The following TAF4 variants were observed in gnomAD, a reference collection of about 807,000 sequenced individuals.
TAF4 encodes transcription initiation factor TFIID subunit 4.
In TAF4, 9 loss-of-function variants were observed where a neutral mutation model predicts 90.3. The ratio of observed to expected loss-of-function variants is 0.10; its 90% confidence interval spans 0.06 to 0.17. The LOEUF (loss-of-function observed/expected upper bound fraction) is 0.17. Among genes scored for constraint, TAF4 ranks in the 10% least tolerant of loss-of-function variants. The pLI is 1.00. For synonymous variants in TAF4, 818 were observed against 638.9 expected, an observed-to-expected ratio of 1.28 and a Z score of -4.23; for missense variants, 1,351 against 1,370.7, an observed-to-expected ratio of 0.99 and a Z score of 0.23.
chr20:62,005,500 T>A (rs1362023305), intron 7 of TAF4: 1 of 152,280 alleles, frequency 6.6e-6, no homozygotes, highest in Admixed American at 6.5e-5. Flanking sequence ...AGAACCCACC[T>A]TTTTGGGTAA....
chr20:62,004,168 G>T (rs2055727697), intron 7 of TAF4, among the ~76,000 whole-genome samples: 2 of 152,178 alleles, frequency 1.3e-5, no homozygotes. Context: ...ATTGGTCAGG[G>T]CCTGGAGGGG....
At chr20:62,025,210 A>T (rs537310213) in intron 1 of TAF4, among the ~76,000 whole-genome samples, 39 of 152,328 alleles carry the variant, frequency 2.6e-4, no homozygotes, top group Admixed American at 8.5e-4. Context: ...GTGGCCTTAC[A>T]AAGGCTTGTA....
intron 1 of TAF4, among the ~76,000 whole-genome samples, chr20:62,045,735 C>T (rs576998137): frequency 9.8e-5 from 15 of 152,328 alleles, no homozygotes; most frequent in Admixed American, 7.8e-4. Context: ...GAGGAGAGCG[C>T]AACAGATCTG....
chr20:62,062,094 T>C (rs929608834), intron 1 of TAF4, among the ~76,000 whole-genome samples: 1 of 152,212 alleles, frequency 6.6e-6, no homozygotes, highest in Non-Finnish European at 1.5e-5. Flanking sequence ...ACATGCAGCT[T>C]TGAGAACCCT....
At chr20:62,054,039 G>A (rs1380901993) in intron 1 of TAF4, among the ~76,000 whole-genome samples, 1 of 152,214 alleles carries the variant, frequency 6.6e-6, no homozygotes, top group Non-Finnish European at 1.5e-5. Context: ...GGATCGTCGG[G>A]TGAGGCCACG....
intron 14 of TAF4, among the ~76,000 whole-genome samples, chr20:61,993,701 T>TA (rs1418164825): frequency 1.3e-5 from 2 of 152,020 alleles, no homozygotes; most frequent in Admixed American, 1.3e-4. Context: ...GTGGGGCACA[T>TA]AAAAGGGTGG....
intron 2 of TAF4, among the ~76,000 whole-genome samples, chr20:62,013,242 A>T (rs1276754098): frequency 6.6e-6 from 1 of 152,266 alleles, no homozygotes; most frequent in Non-Finnish European, 1.5e-5. Flanking sequence ...GACCTCGTTA[A>T]CAATCACTAA....
intron 1 of TAF4, among the ~76,000 whole-genome samples, chr20:62,028,861 C>A (rs1053166566): frequency 7.9e-5 from 12 of 152,194 alleles, no homozygotes; most frequent in African/African-American, 2.9e-4. Flanking sequence ...TAAATACCAA[C>A]CCCTGTGTCA....
chr20:61,998,214 A>G lies in TAF4; in HGVS notation c.2914-22T>C, dbSNP rs1273551439. The stretch of plus-strand genomic sequence containing the variant: ...GAGACTATTTTTGAAAGAGGCAGAA[A>G]AGAAAAGTAAGTTATGAACTAAATG... On this transcript the variant is annotated intron_variant, in intron 12 of 14. Coordinates refer to ENST00000252996, the MANE Select transcript of TAF4 (RefSeq NM_003185.4). 3.7e-6 allele frequency: 6 copies of G among 1,609,004 alleles called. No individual in the cohort carries two copies. The Admixed American group carries it at 1.0e-4, about 27-fold the overall frequency.
At chr20:62,049,945 A>ACC (rs2056016978) in intron 1 of TAF4, among the ~76,000 whole-genome samples, 2 of 151,720 alleles carry the variant, frequency 1.3e-5, no homozygotes, top group African/African-American at 4.8e-5. Context: ...TGCTGCAGAA[A>ACC]CCCAACCTGT....
chr20:62,006,578 G>C lies in TAF4; in HGVS notation c.2155C>G (p.Pro719Ala), dbSNP rs781253331. The C allele has an allele frequency of 6.3e-7, 1 of 1,595,990 alleles. No individual in the cohort carries two copies. The highest frequency in any genetic ancestry group is 1.3e-5 in the African/African-American group (1 of 74,114). Residue 719 changes from proline (P) to alanine (A), a missense_variant, in exon 7 of 15, where the codon CCC becomes GCC. This residue lies in a region of TAF4 where 202 missense variants were observed against 229.7 expected (regional missense o/e 0.88). Coordinates refer to ENST00000252996, the MANE Select transcript of TAF4 (RefSeq NM_003185.4). The surrounding 1 kb of genome is among the most constrained non-coding windows in gnomAD (Gnocchi z 7.0). ...TAATVTSALQ[P>A]PVLSLTQPTQ... ...GGCTGCGTGAGGCTGAGCACAGGGG[G>C]CTGGAGGGCACTGGTCACGGTGGCC...
chr20:62,050,511 A>C (rs1424612601), intron 1 of TAF4, among the ~76,000 whole-genome samples: 1 of 151,980 alleles, frequency 6.6e-6, no homozygotes, highest in Non-Finnish European at 1.5e-5. Flanking sequence ...CTGGCAGCAC[A>C]GTCTCCTCTC....
At chr20:62,008,766 C>T in intron 5 of TAF4, 1 of 283,090 alleles carries the variant, frequency 3.5e-6, no homozygotes, top group South Asian at 9.4e-5. Flanking sequence ...GTTGGGGCAG[C>T]CAGAGGAGAA....
intron 1 of TAF4, among the ~76,000 whole-genome samples, chr20:62,051,091 C>T (rs1003088698): frequency 7.2e-5 from 11 of 152,206 alleles, no homozygotes; most frequent in South Asian, 4.1e-4. Context: ...ATGGAAATCA[C>T]GTCCAAAATG....
intron 2 of TAF4, among the ~76,000 whole-genome samples, 174 bp downstream of exon 2, chr20:62,014,373 A>T (rs2055800952): frequency 6.6e-6 from 1 of 151,888 alleles, no homozygotes; most frequent in African/African-American, 2.4e-5. Flanking sequence ...AGGACAGGAG[A>T]GCAGCGCCGT....
intron 1 of TAF4, among the ~76,000 whole-genome samples, chr20:62,055,241 A>C (rs6089628): frequency 0.12 from 5,963 of 50,828 alleles, 162 homozygotes; most frequent in East Asian, 0.32. Flanking sequence ...GCAAGACAAT[A>C]GATTCACGCT....
chr20:62,033,451 T>C (rs2055915254), intron 1 of TAF4, among the ~76,000 whole-genome samples: 1 of 152,026 alleles, frequency 6.6e-6, no homozygotes, highest in Non-Finnish European at 1.5e-5. Context: ...AAATAAGAAG[T>C]GGGAGCTGGG....
Position 62,010,852 on chromosome 20 carries a change from G to A in TAF4, c.1642-687C>T, listed in dbSNP as rs1397132953. Among the ~76,000 whole-genome samples the A allele has an allele frequency of 6.6e-6, 1 of 152,224 alleles. No individual in the cohort carries two copies. The highest frequency in any genetic ancestry group is 1.5e-5 in the Non-Finnish European group (1 of 68,036). On this transcript the variant is annotated intron_variant, in intron 3 of 14. Transcript: ENST00000252996. This position sits in a 1 kb window ranked among gnomAD's most constrained non-coding sequence, Gnocchi z 4.5. ...GGTAGCTCAGACAACTCAGTGGCCT[G>A]TACTCGATTCCTAACATTTCCATTC...
intron 1 of TAF4, among the ~76,000 whole-genome samples, chr20:62,042,042 C>T (rs1178907663): frequency 6.6e-6 from 1 of 152,156 alleles, no homozygotes; most frequent in African/African-American, 2.4e-5. Flanking sequence ...CACCCTCAAG[C>T]CTGGACACCT....
Sources: allele counts gnomAD v4.1 joint callset (sites outside exome capture counted in the v4.1 genomes callset), GRCh38; gene constraint gnomAD v4.1.1; regional missense constraint gnomAD v4.1.1; non-coding constraint Gnocchi (gnomAD v3.1); transcripts MANE v1.5; gene names NCBI Gene and HGNC (gene_info 2026-07-23, HGNC 2026-07-21).